MELK: variants seen among roughly 807,000 people sequenced by gnomAD.
The protein encoded by MELK is maternal embryonic leucine zipper kinase.
Under a neutral mutation model 85.0 loss-of-function variants are expected in MELK, and 81 were observed. The observed-to-expected ratio is 0.95, with a 90% CI of 0.80 to 1.15. MELK has a LOEUF of 1.15. MELK is among the 50% of genes most tolerant of loss of function. The probability of loss-of-function intolerance (pLI) is 0.00; values close to 1 mark genes in which losing one functional copy is unlikely to be tolerated. For synonymous variants in MELK, 252 were observed against 265.0 expected (o/e 0.95, Z 0.48); for missense variants, 754 against 777.5 (o/e 0.97, Z 0.36).
intron 5 of MELK, among the ~76,000 whole-genome samples, chr9:36,596,590 G>GTT (rs34969370): frequency 2.2e-5 from 2 of 91,316 alleles, no homozygotes; most frequent in East Asian, 2.8e-4. Flanking sequence ...TGTTTTTTTT[G>GTT]TTTTTTTTTT....
intron 10 of MELK, among the ~76,000 whole-genome samples, chr9:36,640,694 C>T (rs1829676517): frequency 6.6e-6 from 1 of 152,188 alleles, no homozygotes; most frequent in African/African-American, 2.4e-5. Context: ...AAGTGATCCT[C>T]CCACCTTAGC....
intron 16 of MELK, among the ~76,000 whole-genome samples, chr9:36,674,027 G>C (rs1314599083): frequency 1.3e-5 from 2 of 152,044 alleles, no homozygotes; most frequent in African/African-American, 4.8e-5. Context: ...TTCTTATTTT[G>C]AAAAGTAAGA....
At position 36,666,405 on chromosome 9, in the gene MELK, A is replaced by G. The variant is rs116146651; in HGVS notation, c.1408+824A>G. Among the ~76,000 whole-genome samples, 774 of 152,276 alleles carry G rather than the reference A, an allele frequency of 5.1e-3. 12 individuals are homozygous for G. The highest frequency in any genetic ancestry group is 0.017 in the African/African-American group (715 of 41,534). The stretch of plus-strand genomic sequence containing the variant: ...AGTAGGGGCCATACCTGTCTGGTAC[A>G]TAGTACACAGTACTAGACCTGATGC... On this transcript the variant is annotated intron_variant, in intron 14 of 17. Coordinates refer to ENST00000298048, the MANE Select transcript of MELK (RefSeq NM_014791.4).
At chr9:36,604,316 T>C (rs1458230407) in intron 7 of MELK, among the ~76,000 whole-genome samples, 1 of 112,856 alleles carries the variant, frequency 8.9e-6, no homozygotes, top group Non-Finnish European at 1.7e-5. Flanking sequence ...CTCGCTCTTG[T>C]CCCCCAGGCT....
At chr9:36,613,549 T>G (rs1430398100) in intron 8 of MELK, among the ~76,000 whole-genome samples, 2 of 151,900 alleles carry the variant, frequency 1.3e-5, no homozygotes, top group African/African-American at 4.8e-5. Flanking sequence ...AAAAATTGAG[T>G]AGGATGAAGA....
chr9:36,675,213 G>A (rs1833244805), intron 17 of MELK, among the ~76,000 whole-genome samples: 1 of 152,126 alleles, frequency 6.6e-6, no homozygotes, highest in African/African-American at 2.4e-5. Flanking sequence ...CTTGAACCTG[G>A]GTGGAGGCTG....
chr9:36,578,394 G>A (rs759600361), intron 1 of MELK, among the ~76,000 whole-genome samples: 2 of 151,932 alleles, frequency 1.3e-5, no homozygotes, highest in Non-Finnish European at 2.9e-5. Flanking sequence ...CCTCTTTCTG[G>A]AATATTCTCC....
At chr9:36,655,921 G>T (rs548551433) in intron 12 of MELK, among the ~76,000 whole-genome samples, 1 of 152,254 alleles carries the variant, frequency 6.6e-6, no homozygotes, top group South Asian at 2.1e-4. Flanking sequence ...CTTGATCTAG[G>T]ATAGTGGCAG....
chr9:36,674,104 GA>G (rs1450495428), intron 16 of MELK, among the ~76,000 whole-genome samples: 24 of 152,244 alleles, frequency 1.6e-4, no homozygotes, highest in African/African-American at 5.8e-4. Flanking sequence ...GAAAGATATA[GA>G]AACTATGGTT....
intron 12 of MELK, among the ~76,000 whole-genome samples, chr9:36,656,915 G>A (rs967958550): frequency 4.6e-5 from 7 of 152,204 alleles, no homozygotes; most frequent in Middle Eastern, 3.4e-3. Flanking sequence ...CCATGGGGAC[G>A]GCCTTTTTCT....
At chr9:36,618,695 C>T (rs1040518116) in intron 8 of MELK, among the ~76,000 whole-genome samples, 2 of 152,048 alleles carry the variant, frequency 1.3e-5, no homozygotes, top group Non-Finnish European at 2.9e-5. Flanking sequence ...CTTGTCTATT[C>T]AATGAGGATT....
chr9:36,673,220 A>G (rs1046000778), intron 16 of MELK, among the ~76,000 whole-genome samples: 5 of 152,252 alleles, frequency 3.3e-5, no homozygotes, highest in Admixed American at 6.5e-5. Flanking sequence ...AACAGAGCCA[A>G]TTTAGTTTGG....
intron 1 of MELK, among the ~76,000 whole-genome samples, chr9:36,576,040 C>G (rs1481175916): frequency 6.6e-6 from 1 of 152,072 alleles, no homozygotes; most frequent in Non-Finnish European, 1.5e-5. Context: ...CCAGTTTATC[C>G]CCACATTTGC....
At chr9:36,655,483 C>T (rs1831156331) in intron 12 of MELK, among the ~76,000 whole-genome samples, 1 of 150,282 alleles carries the variant, frequency 6.7e-6, no homozygotes, top group African/African-American at 2.5e-5. Context: ...AGAGAGAACG[C>T]AAGTGAGCTG....
At chr9:36,656,792 ATT>A (rs936004868) in intron 12 of MELK, among the ~76,000 whole-genome samples, 13 of 151,900 alleles carry the variant, frequency 8.6e-5, no homozygotes, top group African/African-American at 3.1e-4. Flanking sequence ...GCTAATTTCT[ATT>A]TTTTGTAGAG....
At chr9:36,660,505 A>G (rs1321434058) in intron 13 of MELK, among the ~76,000 whole-genome samples, 1 of 151,988 alleles carries the variant, frequency 6.6e-6, no homozygotes, top group Non-Finnish European at 1.5e-5. Flanking sequence ...ATTATTTTGT[A>G]GAGACAGGGT....
chr9:36,641,143 A>C (rs1829716256), intron 10 of MELK, among the ~76,000 whole-genome samples: 2 of 152,228 alleles, frequency 1.3e-5, no homozygotes, highest in Admixed American at 1.3e-4. Context: ...AGAAAACGGA[A>C]GACTTGCAGA....
At chr9:36,625,916 A>T (rs1827884163) in intron 8 of MELK, among the ~76,000 whole-genome samples, 1 of 151,984 alleles carries the variant, frequency 6.6e-6, no homozygotes, top group South Asian at 2.1e-4. Flanking sequence ...AGAAAAAATT[A>T]TGAAGGGTTA....
chr9:36,641,970 ATCT>A (rs1829800429), intron 10 of MELK, among the ~76,000 whole-genome samples: 1 of 151,938 alleles, frequency 6.6e-6, no homozygotes, highest in Non-Finnish European at 1.5e-5. Flanking sequence ...TTCCTGTGTA[ATCT>A]TCTGAGCTCC....
Sources: allele counts gnomAD v4.1 joint callset (sites outside exome capture counted in the v4.1 genomes callset), GRCh38; gene constraint gnomAD v4.1.1; transcripts MANE v1.5; gene names NCBI Gene and HGNC (gene_info 2026-07-23, HGNC 2026-07-21).